The following MCCC2 variants were observed in gnomAD, a reference collection of about 807,000 sequenced individuals.
MCCC2 encodes methylcrotonoyl-CoA carboxylase beta chain, mitochondrial.
Under a neutral mutation model 77.2 loss-of-function variants are expected in MCCC2, and 52 were observed. The ratio of observed to expected loss-of-function variants is 0.67; its 90% CI spans 0.54 to 0.85. The LOEUF is 0.85. Ranked by LOEUF, MCCC2 falls within the 40% of genes least tolerant of loss-of-function variation. MCCC2 has a pLI of 0.00. For synonymous variants in MCCC2, 253 were observed against 248.4 expected, an observed-to-expected ratio of 1.02 and a Z score of -0.18; for missense variants, 682 against 703.2, an observed-to-expected ratio of 0.97 and a Z score of 0.34.
At position 71,652,678 on chromosome 5, in the gene MCCC2, G is replaced by A. The variant is rs1347147388; in HGVS notation, c.1498G>A (p.Ala500Thr). ...RAREGKQFSS[A>T]DEAALKEPII... ...GCCTCTTTTCCTTTAGTTCTCCAGT[G>A]CTGATGAAGCGGCTTTAAAAGAGCC... Residue 500 changes from alanine (A) to threonine (T), a missense_variant, in exon 16 of 17, where the codon GCT becomes ACT. Transcript: ENST00000340941. The A allele has an allele frequency of 6.2e-7, 1 of 1,613,982 alleles. No homozygotes were observed. The highest frequency in any genetic ancestry group is 1.3e-5 in the African/African-American group (1 of 74,916).
intron 8 of MCCC2, among the ~76,000 whole-genome samples, chr5:71,633,119 ATATATATATATATTTT>A (rs1746789316): frequency 3.5e-5 from 1 of 28,716 alleles, no homozygotes; most frequent in African/African-American, 9.2e-5. Context: ...ATATATATAT[ATATATATATATATTTT>A]TATTTTTTGT....
At chr5:71,639,991 C>G (rs1441147222) in intron 10 of MCCC2, among the ~76,000 whole-genome samples, 1 of 152,186 alleles carries the variant, frequency 6.6e-6, no homozygotes, top group Non-Finnish European at 1.5e-5. Context: ...AAGCGAAGTG[C>G]AAACTATGTA....
chr5:71,630,399 C>T (rs1349427449), intron 7 of MCCC2, among the ~76,000 whole-genome samples: 5 of 151,742 alleles, frequency 3.3e-5, no homozygotes, highest in African/African-American at 9.7e-5. Context: ...TTCTCTTTGA[C>T]TTCTATCATC....
chr5:71,601,451 T>G (rs1745427255), intron 4 of MCCC2, among the ~76,000 whole-genome samples: 1 of 152,228 alleles, frequency 6.6e-6, no homozygotes, highest in Non-Finnish European at 1.5e-5. Flanking sequence ...CGTTTAATGT[T>G]AAATCATTAA....
chr5:71,597,357 G>GGGGAGCTA (rs1441249792), intron 3 of MCCC2, among the ~76,000 whole-genome samples: 4 of 152,190 alleles, frequency 2.6e-5, no homozygotes, highest in Non-Finnish European at 5.9e-5. Flanking sequence ...TGGGAGAAAT[G>GGGGAGCTA]GGGAGCTATT....
chr5:71,594,121 G>T (rs1226142713), intron 2 of MCCC2, among the ~76,000 whole-genome samples: 1 of 152,162 alleles, frequency 6.6e-6, no homozygotes, highest in Non-Finnish European at 1.5e-5. Context: ...TCCAGAAAAA[G>T]AATTCAAACT....
Position 71,603,811 on chromosome 5 carries a change from G to T in MCCC2, c.512-545G>T, listed in dbSNP as rs115499844. On this transcript the variant is annotated intron_variant, in intron 5 of 16. Transcript: ENST00000340941. Reference sequence around the variant, plus strand: ...CATTTTTCAAGTCATCCTAATATATGATATGGCTCCTTTTTTTATCTTCAT... The same window carrying T: ...CATTTTTCAAGTCATCCTAATATATTATATGGCTCCTTTTTTTATCTTCAT... Among the ~76,000 whole-genome samples, 377 of 152,270 alleles carry T rather than the reference G, an allele frequency of 2.5e-3. 2 individuals carry two copies. The highest frequency in any genetic ancestry group is 8.1e-3 in the African/African-American group (337 of 41,536).
In MCCC2 at chr5:71,626,755, T is replaced by C; in HGVS notation, c.738+2T>C. 1 of 1,611,968 alleles carries C rather than the reference T, an allele frequency of 6.2e-7. No individual in the cohort carries two copies. Among genetic ancestry groups the C allele is most frequent in the Non-Finnish European group, 8.5e-7 (1 of 1,178,064 alleles). On this transcript the variant is annotated splice_donor_variant, in intron 7 of 16. Transcript: ENST00000340941. LOFTEE classifies it high-confidence loss of function. The stretch of plus-strand genomic sequence containing the variant: ...ATTTTCTTGGCAGGACCCCCCTTGG[T>C]AAGAACATAAGAACGTTGGTCGATG...
intron 6 of MCCC2, among the ~76,000 whole-genome samples, chr5:71,624,606 A>G (rs1580309241): frequency 1.3e-5 from 2 of 150,164 alleles, no homozygotes; most frequent in East Asian, 2.0e-4. Flanking sequence ...CAAACTCCCA[A>G]CCTCAGGTGA....
chr5:71,632,588 G>A (rs997719503), intron 8 of MCCC2, among the ~76,000 whole-genome samples: 1 of 152,206 alleles, frequency 6.6e-6, no homozygotes, highest in African/African-American at 2.4e-5. Context: ...GCTTACAAAG[G>A]AGAAGAGGGA....
intron 1 of MCCC2, among the ~76,000 whole-genome samples, chr5:71,589,503 C>T (rs1744892303): frequency 6.6e-6 from 1 of 152,244 alleles, no homozygotes; most frequent in African/African-American, 2.4e-5. Context: ...ACATGCCCTT[C>T]TCATGGCCGA....
At chr5:71,636,775 A>G (rs1041629388) in intron 10 of MCCC2, 1 of 152,042 alleles carries the variant, frequency 6.6e-6, no homozygotes, top group African/African-American at 2.4e-5. Context: ...CCAGGTAGCC[A>G]AGTTCTCTGG....
intron 6 of MCCC2, among the ~76,000 whole-genome samples, chr5:71,621,395 T>G (rs1746344298): frequency 6.6e-6 from 1 of 152,190 alleles, no homozygotes; most frequent in Non-Finnish European, 1.5e-5. Context: ...TCCATTCACT[T>G]TGTCACCTTT....
intron 6 of MCCC2, among the ~76,000 whole-genome samples, chr5:71,618,176 T>C (rs1331223858): frequency 2.0e-5 from 3 of 152,200 alleles, no homozygotes; most frequent in African/African-American, 7.2e-5. Context: ...GCAGTTTAAA[T>C]GTGTCCCCCA....
chr5:71,640,264 A>G (rs1747083052), intron 10 of MCCC2, among the ~76,000 whole-genome samples: 2 of 146,808 alleles, frequency 1.4e-5, no homozygotes, highest in African/African-American at 5.0e-5. Flanking sequence ...CTTTATTTTT[A>G]TTTTTTACTT....
intron 12 of MCCC2, 37 bp downstream of exon 12, chr5:71,643,932 T>C (rs757569976): frequency 1.2e-6 from 2 of 1,612,682 alleles, no homozygotes; most frequent in Non-Finnish European, 1.7e-6. Flanking sequence ...ATTTTCTGTT[T>C]TAATTTAACA....
At chr5:71,619,116 T>TC (rs1298557997) in intron 6 of MCCC2, among the ~76,000 whole-genome samples, 1 of 152,118 alleles carries the variant, frequency 6.6e-6, no homozygotes, top group Non-Finnish European at 1.5e-5. Context: ...TTTCCCTTTC[T>TC]CCCCCCTACC....
At chr5:71,629,203 C>A (rs1158438841) in intron 7 of MCCC2, among the ~76,000 whole-genome samples, 17 of 139,218 alleles carry the variant, frequency 1.2e-4, no homozygotes, top group Admixed American at 2.2e-4. Flanking sequence ...GACTCCATCT[C>A]AAAAAAAAAA....
intron 1 of MCCC2, among the ~76,000 whole-genome samples, chr5:71,589,255 T>C (rs1393988906): frequency 6.6e-6 from 1 of 152,240 alleles, no homozygotes; most frequent in Admixed American, 6.5e-5. Context: ...TGATGGGTTT[T>C]GTATGAATCA....
Sources: gnomAD v4.1 joint callset for allele counts (sites outside exome capture counted in the v4.1 genomes callset) on GRCh38, gnomAD v4.1.1 for gene constraint, MANE v1.5 for transcripts, NCBI Gene and HGNC (gene_info 2026-07-23, HGNC 2026-07-21) for gene names.